Variants in CD6 observed in about 807,000 individuals in gnomAD.
The protein encoded by CD6 is CD6 molecule, also known as T-cell differentiation antigen CD6.
In CD6, 53 loss-of-function variants were observed where a neutral mutation model predicts 75.3. The ratio of observed to expected loss-of-function variants is 0.70; its 90% CI spans 0.56 to 0.88. The LOEUF (loss-of-function observed/expected upper bound fraction) is 0.88, where lower values mean the gene tolerates loss of function less well. Among genes scored for constraint, CD6 ranks in the 40% least tolerant of loss-of-function variants. The pLI is 0.00. For missense variants in CD6, 770 were observed against 897.1 expected (o/e 0.86, Z 1.81); for synonymous variants, 359 against 381.5 (o/e 0.94, Z 0.69).
At chr11:60,991,149 C>CTTTT (rs58123378) in intron 1 of CD6, among the ~76,000 whole-genome samples, 57 of 114,684 alleles carry the variant, frequency 5.0e-4, no homozygotes, top group Non-Finnish European at 5.7e-4. Flanking sequence ...CTTTTTCTTT[C>CTTTT]TTTTTTTTTT....
intron 1 of CD6, among the ~76,000 whole-genome samples, chr11:60,982,034 G>A (rs1313096068): frequency 6.7e-6 from 1 of 149,120 alleles, no homozygotes; most frequent in Non-Finnish European, 1.5e-5. Flanking sequence ...GCTGGGCTGA[G>A]GTCTCCGGGA....
intron 1 of CD6, among the ~76,000 whole-genome samples, chr11:60,982,295 G>T (rs1187941937): frequency 1.3e-5 from 2 of 152,316 alleles, no homozygotes; most frequent in East Asian, 1.9e-4. Flanking sequence ...AAGTCACTGT[G>T]TCCTCGGAGT....
At chr11:60,981,465 G>C (rs1407851990) in intron 1 of CD6, among the ~76,000 whole-genome samples, 1 of 152,196 alleles carries the variant, frequency 6.6e-6, no homozygotes, top group Non-Finnish European at 1.5e-5. Context: ...CATCAGCTGG[G>C]CCGTCATGGA....
In CD6 at chr11:61,019,363, C is replaced by G; in HGVS notation, c.*45C>G. On this transcript the variant is annotated 3_prime_UTR_variant, in exon 13 of 13. Coordinates refer to ENST00000313421, the MANE Select transcript of CD6 (RefSeq NM_006725.5). ...CCTGGGGTGGCTCTGACCCTCTGGC[C>G]TCCTGCTCTACCTACTCCCTTTCCC... 1.3e-6 allele frequency: 2 copies of G among 1,486,078 alleles called. No individual in the cohort carries two copies. The highest frequency in any genetic ancestry group is 3.4e-5 in the Admixed American group (2 of 58,648). The allele number at this position is 1,486,078 out of a possible 1,614,324, so 92.1% of individuals were successfully genotyped here. A position where few individuals can be genotyped will look rare whatever the true frequency, so the allele number is the denominator to read the frequency against.
intron 1 of CD6, among the ~76,000 whole-genome samples, chr11:61,003,658 C>G (rs980833065): frequency 6.6e-6 from 1 of 152,184 alleles, no homozygotes; most frequent in Non-Finnish European, 1.5e-5. Context: ...CGCTTGAACC[C>G]AGGAGGTGGA....
chr11:60,986,685 C>T (rs367888386), intron 1 of CD6, among the ~76,000 whole-genome samples: 3 of 152,156 alleles, frequency 2.0e-5, no homozygotes, highest in Non-Finnish European at 4.4e-5. Flanking sequence ...CGGGTTCCTT[C>T]CCCCGCTCTC....
At position 60,971,821 on chromosome 11, in the gene CD6, C is replaced by T; in HGVS notation, c.-45C>T. 6.2e-7 allele frequency: 1 copy of T among 1,605,258 alleles called. No individual in the cohort carries two copies. Among genetic ancestry groups the T allele is most frequent in the South Asian group, 1.1e-5 (1 of 90,072 alleles). ...TCCACCTCCCGGCCCCAAGATGGTG[C>T]TTCCCACAGGCAGCCACGCGTAGCA... On this transcript the variant is annotated 5_prime_UTR_variant, in exon 1 of 13. Transcript: ENST00000313421.
At chr11:61,018,480 C>CAAGGGGAAATGGAGAAAGG in intron 12 of CD6, 87 bp downstream of exon 12, 1 of 887,094 alleles carries the variant, frequency 1.1e-6, no homozygotes, top group Non-Finnish European at 1.7e-6. Context: ...TGCATTCGCT[C>CAAGGGGAAATGGAGAAAGG]AAGGGGAAAA....
chr11:61,013,967 C>T lies in CD6; in HGVS notation c.1340C>T (p.Ala447Val). The T allele has an allele frequency of 1.2e-6, 2 of 1,613,788 alleles. No homozygotes were observed. Among genetic ancestry groups the T allele is most frequent in the Non-Finnish European group, 1.7e-6 (2 of 1,179,872 alleles). ...NHQHLPTTIP[A>V]GSNSYQPVPI... Reference sequence around the variant, plus strand: ...CAGCACCTACCCACCACCATCCCGGCAGGGAGCAATAGCTATCAACCGGTC... The same window carrying T: ...CAGCACCTACCCACCACCATCCCGGTAGGGAGCAATAGCTATCAACCGGTC... The change falls in exon 8 of 13, where the codon GCA becomes GTA. Residue 447 changes from alanine (A) to valine (V), a missense_variant. Transcript: ENST00000313421.
chr11:60,983,690 C>G (rs780512532), intron 1 of CD6, among the ~76,000 whole-genome samples: 1 of 151,634 alleles, frequency 6.6e-6, no homozygotes, highest in Non-Finnish European at 1.5e-5. Flanking sequence ...CTTATCAAAA[C>G]CAGATAATTA....
Position 61,009,713 on chromosome 11 carries a change from G to A in CD6, c.923G>A (p.Cys308Tyr). ...AAGGTGCTCTGCCAGTCCTTGGGCT[G>A]TGGAACTGCGGTTGAGAGGCCCAAG... Reference protein sequence around the residue: ...EAKVLCQSLGCGTAVERPKGL... With the variant: ...EAKVLCQSLGYGTAVERPKGL... The change falls in exon 5 of 13, where the codon TGT (cysteine) becomes TAT (tyrosine). Residue 308 changes from cysteine (C) to tyrosine (Y), a missense_variant. Physicochemically the swap from Cys to Tyr is radical, Grantham distance 194. Coordinates refer to ENST00000313421, the MANE Select transcript of CD6 (RefSeq NM_006725.5). 6.2e-7 allele frequency: 1 copy of A among 1,614,110 alleles called. No individual in the cohort carries two copies. The highest frequency in any genetic ancestry group is 8.5e-7 in the Non-Finnish European group (1 of 1,180,028).
At chr11:60,997,073 C>T (rs1858336015) in intron 1 of CD6, among the ~76,000 whole-genome samples, 1 of 152,128 alleles carries the variant, frequency 6.6e-6, no homozygotes, top group Non-Finnish European at 1.5e-5. Flanking sequence ...ATGTGAGTCA[C>T]ATTTATAATT....
intron 1 of CD6, among the ~76,000 whole-genome samples, chr11:60,995,128 T>C (rs12419880): frequency 0.24 from 36,496 of 151,600 alleles, 4,483 homozygotes; most frequent in East Asian, 0.33. Flanking sequence ...CATGCGTCTT[T>C]TTTTTTTTCT....
chr11:60,991,149 CT>C (rs58123378), intron 1 of CD6, among the ~76,000 whole-genome samples: 5,558 of 114,452 alleles, frequency 0.049, 58 homozygotes, highest in Middle Eastern at 0.14. Context: ...CTTTTTCTTT[CT>C]TTTTTTTTTT....
At chr11:60,995,877 AT>A (rs748893346) in intron 1 of CD6, among the ~76,000 whole-genome samples, 5 of 152,118 alleles carry the variant, frequency 3.3e-5, no homozygotes, top group Admixed American at 6.5e-5. Context: ...TTGTGTCACC[AT>A]TGCGGGGGAA....
intron 1 of CD6, among the ~76,000 whole-genome samples, chr11:60,994,465 A>AAAAAAAAAAAAAAAAAAAAAAC (rs1554993198): frequency 7.2e-6 from 1 of 138,276 alleles, no homozygotes; most frequent in Non-Finnish European, 1.6e-5. Context: ...GCCAAAAAAA[A>AAAAAAAAAAAAAAAAAAAAAAC]AAAAAAGCTG....
At chr11:60,988,350 G>A (rs553403247) in intron 1 of CD6, among the ~76,000 whole-genome samples, 78 of 152,280 alleles carry the variant, frequency 5.1e-4, no homozygotes, top group African/African-American at 1.8e-3. Flanking sequence ...TCTGAGCCAC[G>A]TAGATCCACA....
chr11:60,987,720 T>G (rs1857880371), intron 1 of CD6, among the ~76,000 whole-genome samples: 1 of 70,058 alleles, frequency 1.4e-5, no homozygotes, highest in Non-Finnish European at 3.7e-5. Flanking sequence ...GAGGTATCTT[T>G]CCATCGATTT....
intron 7 of CD6, 59 bp downstream of exon 7, chr11:61,013,622 C>A: frequency 3.2e-6 from 5 of 1,582,214 alleles, no homozygotes; most frequent in Non-Finnish European, 3.5e-6. Context: ...CTTGGCAGAA[C>A]CCCAGCAGCA....
Sources: gnomAD v4.1 joint callset for allele counts (sites outside exome capture counted in the v4.1 genomes callset) on GRCh38, gnomAD v4.1.1 for gene constraint, MANE v1.5 for transcripts, NCBI Gene and HGNC (gene_info 2026-07-23, HGNC 2026-07-21) for gene names.